The following DNAJB5 variants were observed in gnomAD, a reference collection of about 807,000 sequenced individuals.
DNAJB5 encodes the protein dnaJ homolog subfamily B member 5.
A neutral mutation model predicts 32.6 loss-of-function variants in DNAJB5; 12 were observed. That is an observed-to-expected ratio of 0.37 (90% CI 0.24 to 0.60). DNAJB5 has a LOEUF of 0.60. DNAJB5 is among the 20% of genes least tolerant of loss of function. The pLI is 0.71. For missense variants in DNAJB5, 358 were observed against 554.2 expected (o/e 0.65, Z 3.55); for synonymous variants, 188 against 212.9 (o/e 0.88, Z 1.02).
chr9:34,992,670 C>T, intron 2 of DNAJB5: 1 of 497,424 alleles, frequency 2.0e-6, no homozygotes, highest in Non-Finnish European at 2.6e-6. Flanking sequence ...CTCCAGACAC[C>T]CATTCCCTGA....
chr9:34,994,560 A>T (rs1827740760), intron 3 of DNAJB5, among the ~76,000 whole-genome samples: 1 of 152,182 alleles, frequency 6.6e-6, no homozygotes, highest in African/African-American at 2.4e-5. Context: ...TGGGAGGGAT[A>T]GGAGTGGAAA....
chr9:34,995,357 C>T (rs1010671471), intron 3 of DNAJB5, among the ~76,000 whole-genome samples: 1 of 152,154 alleles, frequency 6.6e-6, no homozygotes, highest in East Asian at 1.9e-4. Context: ...CCCACATCCC[C>T]CACTACTGCC....
chr9:34,993,024 C>T lies in DNAJB5; in HGVS notation c.183-176C>T. On this transcript the variant is annotated intron_variant, in intron 2 of 4. Transcript: ENST00000682809. This position sits in a 1 kb window ranked among gnomAD's most constrained non-coding sequence, Gnocchi z 4.7. ...TCACAGAATTCTAGAATGTCAGAGC[C>T]AGAAGAGATCATCTAGTCCAAACCT... is the stretch of plus-strand genomic sequence containing the variant. 2 of 1,431,296 alleles carry T rather than the reference C, an allele frequency of 1.4e-6. No individual in the cohort carries two copies. Among genetic ancestry groups the T allele is most frequent in the Non-Finnish European group, 1.8e-6 (2 of 1,098,696 alleles). The allele number at this position is 1,431,296 out of a possible 1,614,324, so 88.7% of individuals were successfully genotyped here. A position where few individuals can be genotyped will look rare whatever the true frequency, so the allele number is the denominator to read the frequency against.
chr9:34,994,192 A>C (rs1409181224), intron 3 of DNAJB5, among the ~76,000 whole-genome samples: 1 of 152,214 alleles, frequency 6.6e-6, no homozygotes, highest in Non-Finnish European at 1.5e-5. Context: ...CTATATTAAG[A>C]GACATTGTCA....
intron 2 of DNAJB5, chr9:34,992,956 C>T (rs1827694843): frequency 7.4e-7 from 1 of 1,353,360 alleles, no homozygotes; most frequent in Non-Finnish European, 9.5e-7. Context: ...TGGGCCACAA[C>T]CTTCAGCTTC....
chr9:34,996,816 C>T lies in DNAJB5; in HGVS notation c.979C>T (p.Arg327Cys). The stretch of plus-strand genomic sequence containing the variant: ...CAAAGACAAGCCCCATGCACACTTC[C>T]GCCGAGATGGCACCAACGTGCTCTA... ...VLKDKPHAHF[R>C]RDGTNVLYSA... is the part of the protein sequence containing the mutation. The change falls in exon 4 of 5, where the codon CGC becomes TGC. Residue 327 changes from arginine (R) to cysteine (C), a missense_variant. Transcript: ENST00000682809. This position sits in a 1 kb window ranked among gnomAD's most constrained non-coding sequence, Gnocchi z 7.2. The T allele has an allele frequency of 1.9e-6, 3 of 1,613,692 alleles. No individual in the cohort carries two copies. The highest frequency in any genetic ancestry group is 2.5e-6 in the Non-Finnish European group (3 of 1,179,936).
chr9:34,990,957 T>C lies in DNAJB5; in HGVS notation c.182+145T>C. ...GAACCCCCCTCCGGCCTCACCCACA[T>C]ATTTGAATGAATTGCACCCCTTATC... On this transcript the variant is annotated intron_variant, in intron 2 of 4. Transcript: ENST00000682809. This position sits in a 1 kb window ranked among gnomAD's most constrained non-coding sequence, Gnocchi z 4.5. 1.3e-6 allele frequency: 1 copy of C among 796,100 alleles called. No homozygotes were observed. Among genetic ancestry groups the C allele is most frequent in the Non-Finnish European group, 1.9e-6 (1 of 514,884 alleles). 49.3% of individuals were successfully genotyped at this position (796,100 alleles called of 1,614,324 possible). A position where few individuals can be genotyped will look rare whatever the true frequency, so the allele number is the denominator to read the frequency against.
In DNAJB5 at chr9:34,996,895, G is replaced by A. The variant is rs757737701; in HGVS notation, c.1029+29G>A. The A allele has an allele frequency of 4.4e-6, 7 of 1,591,416 alleles. No homozygotes were observed. In the Admixed American group the frequency reaches 1.2e-4, roughly 27 times the overall value. On this transcript the variant is annotated intron_variant, in intron 4 of 4. Coordinates refer to ENST00000682809, the MANE Select transcript of DNAJB5 (RefSeq NM_001349723.3). This position sits in a 1 kb window ranked among gnomAD's most constrained non-coding sequence, Gnocchi z 7.2. Reference sequence around the variant, plus strand: ...GGGCCTAGTCAGGCTGTGTGTGTGTGCTGGGGAGATGGTGGGGACATTCCC... The same window carrying A: ...GGGCCTAGTCAGGCTGTGTGTGTGTACTGGGGAGATGGTGGGGACATTCCC...
At position 34,996,715 on chromosome 9, in the gene DNAJB5, A is replaced by C. The variant is rs1292165112; in HGVS notation, c.878A>C (p.Glu293Ala). ...LHIVIKRGWK[E>A]GTKITFPKEG... is the part of the protein sequence containing the mutation. ...ATAGTCATCAAGCGTGGCTGGAAGG[A>C]AGGCACCAAGATCACCTTCCCCAAA... The change falls in exon 4 of 5, where the codon GAA becomes GCA. Residue 293 changes from glutamate (E) to alanine (A), a missense_variant. This residue lies in a region of DNAJB5 where 248 missense variants were observed against 442.6 expected (regional missense o/e 0.56). Coordinates refer to ENST00000682809, the MANE Select transcript of DNAJB5 (RefSeq NM_001349723.3). The surrounding 1 kb of genome is among the most constrained non-coding windows in gnomAD (Gnocchi z 7.2). 5.0e-6 allele frequency: 8 copies of C among 1,614,016 alleles called. No homozygotes were observed. The highest frequency in any genetic ancestry group is 6.8e-6 in the Non-Finnish European group (8 of 1,180,022).
At chr9:34,995,375 C>T (rs1440868338) in intron 3 of DNAJB5, among the ~76,000 whole-genome samples, 1 of 152,164 alleles carries the variant, frequency 6.6e-6, no homozygotes, top group African/African-American at 2.4e-5. Flanking sequence ...GCCAGCACCC[C>T]CTCCTGTGCA....
Position 34,989,842 on chromosome 9 carries a change from C to A in DNAJB5, c.-133+11C>A. On this transcript the variant is annotated intron_variant, in intron 1 of 4. Coordinates refer to ENST00000682809, the MANE Select transcript of DNAJB5 (RefSeq NM_001349723.3). Reference sequence around the variant, plus strand: ...CGCAGCTCCTCACCGGTGAGGGCGCCAAGCCAGGACTCGGGGGTCCCGGGA... The same window carrying A: ...CGCAGCTCCTCACCGGTGAGGGCGCAAAGCCAGGACTCGGGGGTCCCGGGA... 1 of 1,234,906 alleles carries A rather than the reference C, an allele frequency of 8.1e-7. No homozygotes were observed. Among genetic ancestry groups the A allele is most frequent in the South Asian group, 4.0e-5 (1 of 25,202 alleles). The allele number at this position is 1,234,906 out of a possible 1,614,324, so 76.5% of individuals were successfully genotyped here.
rs1387342554 is a variant in DNAJB5, at chr9:34,990,385, C to T, written c.-132-114C>T. 4.6e-6 allele frequency: 7 copies of T among 1,521,200 alleles called. No homozygotes were observed. Among genetic ancestry groups the T allele is most frequent in the Non-Finnish European group, 6.1e-6 (7 of 1,138,280 alleles). The allele number at this position is 1,521,200 out of a possible 1,614,324, so 94.2% of individuals were successfully genotyped here. ...CCACTCACAAACACACGCTTGCACT[C>T]CCAGCCTCACTGACACGCTGCCATA... On this transcript the variant is annotated intron_variant, in intron 1 of 4. Transcript: ENST00000682809. This position sits in a 1 kb window ranked among gnomAD's most constrained non-coding sequence, Gnocchi z 4.5.
chr9:34,996,817 G>T lies in DNAJB5; in HGVS notation c.980G>T (p.Arg327Leu). 1 of 1,613,584 alleles carries T rather than the reference G, an allele frequency of 6.2e-7. No individual in the cohort carries two copies. Among genetic ancestry groups the T allele is most frequent in the Non-Finnish European group, 8.5e-7 (1 of 1,179,908 alleles). Residue 327 changes from arginine (R) to leucine (L), a missense_variant, in exon 4 of 5, where the codon CGC becomes CTC. Transcript: ENST00000682809. The surrounding 1 kb of genome is among the most constrained non-coding windows in gnomAD (Gnocchi z 7.2). ...AAAGACAAGCCCCATGCACACTTCC[G>T]CCGAGATGGCACCAACGTGCTCTAC... ...VLKDKPHAHF[R>L]RDGTNVLYSA...
In DNAJB5 at chr9:34,994,013, C is replaced by T. The variant is rs116129396; in HGVS notation, c.427+569C>T. ...GGGGAACTGCTGCTGGCATCTTCCC[C>T]CTTCCCTGGGGTAGCTGGTGGCCAT... On this transcript the variant is annotated intron_variant, in intron 3 of 4. Transcript: ENST00000682809. 2.8e-3 allele frequency among the ~76,000 whole-genome samples: 423 copies of T among 152,266 alleles called. 1 individual carries two copies. The highest frequency in any genetic ancestry group is 9.6e-3 in the African/African-American group (400 of 41,564).
At chr9:34,998,788 T>C (rs1360069376), downstream of DNAJB5, 1 of 152,018 alleles carries the variant, frequency 6.6e-6, no homozygotes, top group Admixed American at 6.6e-5. Flanking sequence ...AGAAAATTTT[T>C]TTCTAGGAGG....
chr9:34,993,109 C>A lies in DNAJB5; in HGVS notation c.183-91C>A. On this transcript the variant is annotated intron_variant, in intron 2 of 4. Transcript: ENST00000682809. The surrounding 1 kb of genome is among the most constrained non-coding windows in gnomAD (Gnocchi z 4.7). ...AACAGGCATGACCTGCTGAAGGTTA[C>A]CCAGGGAGTCATTTAGGGATTGCAA... 6.7e-7 allele frequency: 1 copy of A among 1,483,110 alleles called. No individual in the cohort carries two copies. Among genetic ancestry groups the A allele is most frequent in the Non-Finnish European group, 8.9e-7 (1 of 1,120,714 alleles). The allele number at this position is 1,483,110 out of a possible 1,614,324, so 91.9% of individuals were successfully genotyped here. A position where few individuals can be genotyped will look rare whatever the true frequency, so the allele number is the denominator to read the frequency against.
In DNAJB5 at chr9:34,997,469, GC is replaced by G. The variant is rs1827834732; in HGVS notation, c.*213del. On this transcript the variant is annotated 3_prime_UTR_variant, in exon 5 of 5. Coordinates refer to ENST00000682809, the MANE Select transcript of DNAJB5 (RefSeq NM_001349723.3). This position sits in a 1 kb window ranked among gnomAD's most constrained non-coding sequence, Gnocchi z 4.1. ...AGTGGGAGGGAGGTGGGGAGAGCTA[GC>G]CCAGGCCAGGGGTCAATGTTCATGT... is the stretch of plus-strand genomic sequence containing the variant. 1 of 695,136 alleles carries G rather than the reference GC, an allele frequency of 1.4e-6. No individual in the cohort carries two copies. Among genetic ancestry groups the G allele is most frequent in the Non-Finnish European group, 2.6e-6 (1 of 382,842 alleles). The allele number at this position is 695,136 out of a possible 1,614,324, so 43.1% of individuals were successfully genotyped here.
Position 34,997,441 on chromosome 9 carries a change from G to A in DNAJB5, c.*182G>A, listed in dbSNP as rs1378936485. The A allele has an allele frequency of 1.4e-6, 1 of 732,776 alleles. No individual in the cohort carries two copies. The allele number at this position is 732,776 out of a possible 1,614,324, so 45.4% of individuals were successfully genotyped here. ...CCCTTTTAGAGCTGGGCTGCCTGGGGGGAGTGGGAGGGAGGTGGGGAGAGC... is the reference window on the plus strand; with the variant it reads ...CCCTTTTAGAGCTGGGCTGCCTGGGAGGAGTGGGAGGGAGGTGGGGAGAGC... On this transcript the variant is annotated 3_prime_UTR_variant, in exon 5 of 5. Transcript: ENST00000682809. The surrounding 1 kb of genome is among the most constrained non-coding windows in gnomAD (Gnocchi z 4.1).
Position 34,990,340 on chromosome 9 carries a change from T to C in DNAJB5, c.-132-159T>C, listed in dbSNP as rs1827588951. The C allele has an allele frequency of 6.8e-7, 1 of 1,476,466 alleles. No individual in the cohort carries two copies. Among genetic ancestry groups the C allele is most frequent in the Admixed American group, 2.0e-5 (1 of 48,980 alleles). 91.5% of individuals were successfully genotyped at this position (1,476,466 alleles called of 1,614,324 possible). ...CCTCTCGGGCCCTCACAATCACACC[T>C]GTCACAGGTATACACGCTGCCACTC... On this transcript the variant is annotated intron_variant, in intron 1 of 4. Transcript: ENST00000682809. This position sits in a 1 kb window ranked among gnomAD's most constrained non-coding sequence, Gnocchi z 4.5.
Sources: gnomAD v4.1 joint callset for allele counts (sites outside exome capture counted in the v4.1 genomes callset) on GRCh38, gnomAD v4.1.1 for gene constraint, gnomAD v4.1.1 regional missense constraint, Gnocchi (gnomAD v3.1) non-coding constraint, MANE v1.5 for transcripts, NCBI Gene and HGNC (gene_info 2026-07-23, HGNC 2026-07-21) for gene names.